The following AP3S2 variants were observed in gnomAD, a reference collection of about 807,000 sequenced individuals.
AP3S2 encodes the protein AP-3 complex subunit sigma-2.
A neutral mutation model predicts 23.4 loss-of-function variants in AP3S2; 22 were observed. The observed-to-expected ratio is 0.94, with a 90% CI of 0.67 to 1.34. The LOEUF (loss-of-function observed/expected upper bound fraction) is 1.34, where lower values mean the gene tolerates loss of function less well. Ranked by LOEUF, AP3S2 falls within the 40% of genes most tolerant of loss-of-function variation. The probability of loss-of-function intolerance (pLI) is 0.00; values close to 1 mark genes in which losing one functional copy is unlikely to be tolerated. For missense variants in AP3S2, 241 were observed against 236.9 expected (o/e 1.02, Z -0.11); for synonymous variants, 86 against 87.1 (o/e 0.99, Z 0.07).
chr15:89,869,567 TA>T (rs527600193), intron 4 of AP3S2, among the ~76,000 whole-genome samples: 6,387 of 123,386 alleles, frequency 0.052, 226 homozygotes, highest in East Asian at 0.22. Context: ...GAATTATCAA[TA>T]AAAAAAAAAA....
At chr15:89,872,179 C>G (rs1326142881) in intron 3 of AP3S2, among the ~76,000 whole-genome samples, 2 of 150,930 alleles carry the variant, frequency 1.3e-5, no homozygotes, top group Non-Finnish European at 3.0e-5. Context: ...AAAAAACCAA[C>G]TACTTACAAT....
chr15:89,855,536 T>TAA (rs199883528), intron 4 of AP3S2, among the ~76,000 whole-genome samples: 71 of 136,354 alleles, frequency 5.2e-4, no homozygotes, highest in African/African-American at 1.9e-3. Context: ...AAGAATAAAT[T>TAA]AAAAAAAAAA....
chr15:89,862,510 T>C (rs549949862), intron 4 of AP3S2, among the ~76,000 whole-genome samples: 1 of 152,298 alleles, frequency 6.6e-6, no homozygotes, highest in East Asian at 1.9e-4. Flanking sequence ...TATATATGTA[T>C]ATAGACATAA....
chr15:89,875,506 C>T (rs1452564135), intron 3 of AP3S2, among the ~76,000 whole-genome samples: 2 of 152,170 alleles, frequency 1.3e-5, no homozygotes, highest in African/African-American at 4.8e-5. Context: ...GAACTGAAGA[C>T]ATTGCAGACT....
intron 4 of AP3S2, among the ~76,000 whole-genome samples, chr15:89,840,067 T>G (rs551554672): frequency 6.6e-6 from 1 of 152,028 alleles, no homozygotes; most frequent in Non-Finnish European, 1.5e-5. Context: ...AAGAGGACAG[T>G]GGTGGCTATT....
intron 4 of AP3S2, among the ~76,000 whole-genome samples, chr15:89,842,662 G>C (rs1225489813): frequency 6.6e-6 from 1 of 152,212 alleles, no homozygotes; most frequent in Non-Finnish European, 1.5e-5. Flanking sequence ...TGCCAGGCTG[G>C]AGTGCAGTGG....
At chr15:89,867,043 C>G (rs1234807155) in intron 4 of AP3S2, among the ~76,000 whole-genome samples, 1 of 136,030 alleles carries the variant, frequency 7.4e-6, no homozygotes, top group Admixed American at 7.9e-5. Context: ...TCTCCCTCTC[C>G]CTCTCCCCAC....
chr15:89,870,430 T>C lies in AP3S2; in HGVS notation c.345+1045A>G, dbSNP rs141959562. On this transcript the variant is annotated intron_variant, in intron 4 of 5. Transcript: ENST00000336418. ...AAAGGGTTCCATGATGTTCCTGCAC[T>C]AGGATGCTGATAGAGTCACAGAGCC... Among the ~76,000 whole-genome samples, 23 of 152,264 alleles carry C rather than the reference T, an allele frequency of 1.5e-4. 1 individual carries two copies. In the East Asian group the frequency reaches 4.4e-3, roughly 29 times the overall value.
chr15:89,891,808 G>C (rs1356255289), intron 1 of AP3S2, among the ~76,000 whole-genome samples: 4 of 152,088 alleles, frequency 2.6e-5, no homozygotes, highest in Admixed American at 2.6e-4. Context: ...GCAGCCACTT[G>C]GAAAATTTGT....
chr15:89,856,584 C>A (rs1029058291), intron 4 of AP3S2, among the ~76,000 whole-genome samples: 2 of 151,922 alleles, frequency 1.3e-5, no homozygotes, highest in African/African-American at 2.4e-5. Context: ...CACCTGTAAT[C>A]CCAGCTACTC....
intron 4 of AP3S2, among the ~76,000 whole-genome samples, chr15:89,856,150 C>G (rs1895830468): frequency 6.6e-6 from 1 of 152,124 alleles, no homozygotes; most frequent in African/African-American, 2.4e-5. Context: ...CCTGAGTGCA[C>G]CCAGAGGTTA....
intron 4 of AP3S2, among the ~76,000 whole-genome samples, chr15:89,841,800 T>C (rs1043434584): frequency 6.6e-6 from 1 of 152,010 alleles, no homozygotes; most frequent in African/African-American, 2.4e-5. Context: ...CCTGAAAAAC[T>C]TGCCTATTTA....
At chr15:89,888,218 A>G (rs957889429) in intron 3 of AP3S2, among the ~76,000 whole-genome samples, 1 of 152,240 alleles carries the variant, frequency 6.6e-6, no homozygotes, top group African/African-American at 2.4e-5. Flanking sequence ...TAGGGTCCCT[A>G]CACATCTCAG....
At chr15:89,886,395 TG>T (rs1247058451) in intron 3 of AP3S2, 1 of 152,216 alleles carries the variant, frequency 6.6e-6, no homozygotes, top group Non-Finnish European at 1.5e-5. Context: ...TTAGTCTTTT[TG>T]TATTGTTAAT....
chr15:89,872,116 CAA>C (rs71151540), intron 3 of AP3S2, among the ~76,000 whole-genome samples: 111 of 128,856 alleles, frequency 8.6e-4, no homozygotes, highest in South Asian at 9.7e-4. Context: ...GAGAGTCTCT[CAA>C]AAAAAAAAAA....
intron 3 of AP3S2, chr15:89,886,630 CTTAATTTTCAAA>C (rs1896708402): frequency 6.6e-6 from 1 of 152,154 alleles, no homozygotes; most frequent in East Asian, 1.9e-4. Flanking sequence ...ACTATATTTC[CTTAATTTTCAAA>C]TAAACTCGTA....
At chr15:89,867,103 G>A (rs1896148508) in intron 4 of AP3S2, among the ~76,000 whole-genome samples, 2 of 145,700 alleles carry the variant, frequency 1.4e-5, no homozygotes, top group Non-Finnish European at 3.0e-5. Flanking sequence ...CTGCCATCTC[G>A]GCTCACTGCA....
intron 4 of AP3S2, among the ~76,000 whole-genome samples, chr15:89,868,354 C>A (rs1596208309): frequency 1.0e-5 from 1 of 98,428 alleles, no homozygotes; most frequent in Non-Finnish European, 2.2e-5. Flanking sequence ...GGGGTCAGCC[C>A]CCCGCCCGGC....
At chr15:89,887,728 T>C (rs8034724) in intron 3 of AP3S2, among the ~76,000 whole-genome samples, 66,041 of 151,962 alleles carry the variant, frequency 0.43, 14,609 homozygotes, top group East Asian at 0.6. Context: ...TGGAGTGCAG[T>C]GGCATGATCT....
Sources: allele counts gnomAD v4.1 joint callset (sites outside exome capture counted in the v4.1 genomes callset), GRCh38; gene constraint gnomAD v4.1.1; transcripts MANE v1.5; gene names NCBI Gene and HGNC (gene_info 2026-07-23, HGNC 2026-07-21).